The following ARHGEF3 variants were observed in gnomAD, a reference collection of about 807,000 sequenced individuals.
The protein encoded by ARHGEF3 is Rho guanine nucleotide exchange factor 3.
Under a neutral mutation model 63.2 loss-of-function variants are expected in ARHGEF3, and 28 were observed. The ratio of observed to expected loss-of-function variants is 0.44; its 90% CI spans 0.33 to 0.61. The LOEUF (loss-of-function observed/expected upper bound fraction) is 0.61, where lower values mean the gene tolerates loss of function less well. ARHGEF3 is among the 20% of genes least tolerant of loss of function. The pLI is 0.03. For synonymous variants in ARHGEF3, 266 were observed against 254.2 expected (o/e 1.05, Z -0.44); for missense variants, 533 against 659.3 (o/e 0.81, Z 2.10).
intron 3 of ARHGEF3, among the ~76,000 whole-genome samples, chr3:56,925,407 C>A (rs2042249876): frequency 6.6e-6 from 1 of 152,212 alleles, no homozygotes; most frequent in Non-Finnish European, 1.5e-5. Context: ...TCAAGTTCAG[C>A]TCACAGGAGG....
chr3:56,917,313 T>G (rs190082188), intron 3 of ARHGEF3, among the ~76,000 whole-genome samples: 5 of 151,762 alleles, frequency 3.3e-5, no homozygotes, highest in Admixed American at 2.6e-4. Context: ...ATTTATTTAT[T>G]TTAGTTATCT....
At chr3:56,880,784 T>C (rs1048795803) in intron 4 of ARHGEF3, among the ~76,000 whole-genome samples, 1 of 152,224 alleles carries the variant, frequency 6.6e-6, no homozygotes, top group Non-Finnish European at 1.5e-5. Context: ...AGAAATTCCA[T>C]AGACTTCACT....
In ARHGEF3 at chr3:56,895,015, C is replaced by T. The variant is rs535812524; in HGVS notation, c.130-12661G>A. Among the ~76,000 whole-genome samples, 14 of 152,278 alleles carry T rather than the reference C, an allele frequency of 9.2e-5. No homozygotes were observed. The South Asian group carries it at 2.7e-3, about 29-fold the overall frequency. ...GCTTTTTACTCAGAACTTGACAGAA[C>T]ATGACAGTGTCACTAAAGAAGGCGT... On this transcript the variant is annotated intron_variant, in intron 3 of 12. Transcript: ENST00000338458.
At chr3:56,854,073 C>T (rs1208441277) in intron 4 of ARHGEF3, among the ~76,000 whole-genome samples, 4 of 152,014 alleles carry the variant, frequency 2.6e-5, no homozygotes, top group African/African-American at 7.2e-5. Context: ...CAGGCGCCTG[C>T]AGTCCCAGCT....
At chr3:56,839,801 T>G (rs937442044) in intron 4 of ARHGEF3, among the ~76,000 whole-genome samples, 2 of 152,090 alleles carry the variant, frequency 1.3e-5, no homozygotes, top group African/African-American at 4.8e-5. Context: ...CTTTAGAACC[T>G]GACAGCTCAC....
At chr3:56,945,845 G>A (rs1219234569) in intron 3 of ARHGEF3, among the ~76,000 whole-genome samples, 5 of 152,202 alleles carry the variant, frequency 3.3e-5, no homozygotes, top group Non-Finnish European at 5.9e-5. Flanking sequence ...GTGGGTCCCT[G>A]ACCCCCGAGT....
chr3:56,774,073 C>T lies in ARHGEF3; in HGVS notation c.97-257G>A, dbSNP rs545428225. ...AAGGGGCAGGGATCTGCTCCTTATCCCTCACCCCCAGCATCTGCCAGCTTT... is the reference window on the plus strand; with the variant it reads ...AAGGGGCAGGGATCTGCTCCTTATCTCTCACCCCCAGCATCTGCCAGCTTT... On this transcript the variant is annotated intron_variant, in intron 1 of 9. Transcript: ENST00000296315. 2.6e-5 allele frequency among the ~76,000 whole-genome samples: 4 copies of T among 152,174 alleles called. No homozygotes were observed. In the East Asian group the frequency reaches 5.8e-4, roughly 22 times the overall value.
At chr3:56,893,904 G>A (rs1395264946) in intron 3 of ARHGEF3, among the ~76,000 whole-genome samples, 1 of 147,308 alleles carries the variant, frequency 6.8e-6, no homozygotes, top group Non-Finnish European at 1.5e-5. Flanking sequence ...CCTTACAGCT[G>A]TACAAAGAAG....
chr3:56,809,921 CTG>C (rs1472594014), intron 4 of ARHGEF3, among the ~76,000 whole-genome samples: 3 of 151,970 alleles, frequency 2.0e-5, no homozygotes, highest in Non-Finnish European at 4.4e-5. Context: ...TTAGGAAAGA[CTG>C]GGTTTCACCA....
chr3:56,970,496 G>A (rs1181930549), intron 2 of ARHGEF3, among the ~76,000 whole-genome samples: 1 of 152,080 alleles, frequency 6.6e-6, no homozygotes, highest in Admixed American at 6.6e-5. Flanking sequence ...CATTTCTGAG[G>A]CATATATTTA....
chr3:57,040,959 A>G (rs1291857083), intron 1 of ARHGEF3, among the ~76,000 whole-genome samples: 1 of 151,742 alleles, frequency 6.6e-6, no homozygotes, highest in Non-Finnish European at 1.5e-5. Flanking sequence ...GACCCCATCT[A>G]TAACCCCATC....
intron 4 of ARHGEF3, among the ~76,000 whole-genome samples, chr3:56,868,654 C>T (rs2040336564): frequency 6.6e-6 from 1 of 152,116 alleles, no homozygotes; most frequent in Non-Finnish European, 1.5e-5. Context: ...TGAGCCACTG[C>T]GCCCAGCCAG....
In ARHGEF3 at chr3:56,980,863, C is replaced by T. The variant is rs773160727; in HGVS notation, c.63-21974G>A. Among the ~76,000 whole-genome samples the T allele has an allele frequency of 4.6e-5, 7 of 152,368 alleles. No homozygotes were observed. In the East Asian group the frequency reaches 5.8e-4, roughly 13 times the overall value. On this transcript the variant is annotated intron_variant, in intron 2 of 12. Coordinates refer to the ARHGEF3 transcript ENST00000338458. ...GCTTCAAGTCAAGTTCATCGGCCTC[C>T]GAGGCTCTTGCCTGACTGCACTACC...
At chr3:56,730,301 C>T (rs6804621) in intron 9 of ARHGEF3, among the ~76,000 whole-genome samples, 28,997 of 150,032 alleles carry the variant, frequency 0.19, 2,988 homozygotes, top group South Asian at 0.39. Context: ...CATTGTCAAA[C>T]GAAATTACAT....
intron 3 of ARHGEF3, among the ~76,000 whole-genome samples, chr3:56,947,454 CA>C (rs575550862): frequency 6.6e-6 from 1 of 151,764 alleles, no homozygotes; most frequent in African/African-American, 2.4e-5. Context: ...AAATGGAAAA[CA>C]AAAAAATGCA....
intron 2 of ARHGEF3, among the ~76,000 whole-genome samples, chr3:56,963,703 A>G (rs1343100670): frequency 6.6e-6 from 1 of 152,222 alleles, no homozygotes; most frequent in East Asian, 1.9e-4. Context: ...ATTTTTTAAG[A>G]GAAATCTGTG....
At chr3:57,037,426 C>T (rs760729144) in intron 1 of ARHGEF3, among the ~76,000 whole-genome samples, 3 of 152,190 alleles carry the variant, frequency 2.0e-5, no homozygotes, top group African/African-American at 4.8e-5. Flanking sequence ...CAAAATGATG[C>T]CAACCACAGG....
At chr3:56,852,669 C>T (rs909036016) in intron 4 of ARHGEF3, among the ~76,000 whole-genome samples, 4 of 150,244 alleles carry the variant, frequency 2.7e-5, no homozygotes, top group Non-Finnish European at 5.9e-5. Flanking sequence ...AAAAAAAAAA[C>T]CTACCGAATT....
intron 4 of ARHGEF3, among the ~76,000 whole-genome samples, chr3:56,872,156 G>A (rs2040449898): frequency 6.6e-6 from 1 of 151,978 alleles, no homozygotes; most frequent in South Asian, 2.1e-4. Flanking sequence ...TGTGAATTTT[G>A]CTTTGGGCAC....
Sources: allele counts gnomAD v4.1 joint callset (sites outside exome capture counted in the v4.1 genomes callset), GRCh38; gene constraint gnomAD v4.1.1; transcripts MANE v1.5; gene names NCBI Gene and HGNC (gene_info 2026-07-23, HGNC 2026-07-21).